The following ARNT variants were observed in gnomAD, a reference collection of about 807,000 sequenced individuals.
The protein encoded by ARNT is aryl hydrocarbon receptor nuclear translocator.
ARNT carries 30 observed loss-of-function variants against 105.0 expected under a neutral mutation model. That is an observed-to-expected ratio of 0.29 (90% CI 0.21 to 0.39). ARNT has a LOEUF of 0.39. Among genes scored for constraint, ARNT ranks in the 10% least tolerant of loss-of-function variants. The pLI is 1.00. For missense variants in ARNT, 748 were observed against 978.7 expected (o/e 0.76, Z 3.15); for synonymous variants, 304 against 344.0 (o/e 0.88, Z 1.29).
intron 6 of ARNT, among the ~76,000 whole-genome samples, chr1:150,838,385 C>T (rs1238072855): frequency 6.6e-6 from 1 of 152,158 alleles, no homozygotes; most frequent in Admixed American, 6.5e-5. Flanking sequence ...CACCAGAAAA[C>T]CATTTGTCTC....
intron 1 of ARNT, among the ~76,000 whole-genome samples, chr1:150,875,216 C>T (rs951188009): frequency 2.6e-5 from 4 of 152,040 alleles, no homozygotes; most frequent in Admixed American, 2.0e-4. Context: ...CTCAGCACTT[C>T]CTGCAATGTA....
intron 6 of ARNT, among the ~76,000 whole-genome samples, chr1:150,837,003 T>C (rs587700152): frequency 3.3e-4 from 50 of 151,924 alleles, no homozygotes; most frequent in South Asian, 1.0e-3. Flanking sequence ...GAAGCAGAGG[T>C]TGCAGTGAGC....
chr1:150,823,356 T>C lies in ARNT; in HGVS notation c.1243-11A>G. ...TTTTAATTTCACTACCTGAAAAAGT[T>C]TTCATGCCATCAGTGGAACTCATAG... On this transcript the variant is annotated splice_polypyrimidine_tract_variant and intron_variant, in intron 13 of 21. Transcript: ENST00000358595. 6.3e-7 allele frequency: 1 copy of C among 1,583,594 alleles called. No homozygotes were observed. Among genetic ancestry groups the C allele is most frequent in the Non-Finnish European group, 8.6e-7 (1 of 1,162,122 alleles).
At chr1:150,857,252 T>C (rs1664794875) in intron 2 of ARNT, among the ~76,000 whole-genome samples, 1 of 152,226 alleles carries the variant, frequency 6.6e-6, no homozygotes, top group South Asian at 2.1e-4. Flanking sequence ...ATTTTAAATA[T>C]ACTATGACTT....
chr1:150,817,008 T>C, intron 17 of ARNT, 74 bp downstream of exon 17: 2 of 1,605,902 alleles, frequency 1.2e-6, no homozygotes, highest in Non-Finnish European at 1.7e-6. Flanking sequence ...GGAAGATTAC[T>C]GACTGGGCAG....
At chr1:150,817,896 G>C (rs771279928) in intron 15 of ARNT, 24 bp downstream of exon 15, 1 of 1,569,304 alleles carries the variant, frequency 6.4e-7, no homozygotes, top group East Asian at 2.2e-5. Flanking sequence ...CTGCTCAACA[G>C]ATGATTATTT....
intron 1 of ARNT, among the ~76,000 whole-genome samples, chr1:150,876,318 C>CG (rs1456686850): frequency 6.6e-6 from 1 of 152,188 alleles, no homozygotes; most frequent in East Asian, 1.9e-4. Flanking sequence ...GGGAGCCCCC[C>CG]TCAACTCCCA....
intron 1 of ARNT, among the ~76,000 whole-genome samples, chr1:150,865,518 AAGG>A (rs951983319): frequency 6.4e-4 from 97 of 152,318 alleles, no homozygotes; most frequent in African/African-American, 2.3e-3. Flanking sequence ...AAGTGAAAAT[AAGG>A]AGAATTAGTT....
intron 13 of ARNT, among the ~76,000 whole-genome samples, chr1:150,825,614 G>T (rs1283750627): frequency 6.6e-6 from 1 of 152,110 alleles, no homozygotes; most frequent in Non-Finnish European, 1.5e-5. Flanking sequence ...ACCTTGGGAG[G>T]CTGAGGTGGG....
chr1:150,834,756 T>G (rs1324794584), intron 7 of ARNT, 116 bp from the exon 8 acceptor site: 1 of 857,518 alleles, frequency 1.2e-6, no homozygotes, highest in Non-Finnish European at 1.9e-6. Flanking sequence ...ATCTCCTTGC[T>G]TATAACAGAA....
Position 150,829,768 on chromosome 1 carries a change from C to T in ARNT, c.1032+136G>A. On this transcript the variant is annotated intron_variant, in intron 11 of 21. Coordinates refer to ENST00000358595, the MANE Select transcript of ARNT (RefSeq NM_001668.4). ...AGAATAGCAATGGTCACTATAAATG[C>T]CATATTCCTTCAAATTTTGAGAGTT... 1.5e-5 allele frequency: 14 copies of T among 918,582 alleles called. No homozygotes were observed. The South Asian group carries it at 1.7e-4, about 11-fold the overall frequency. The allele number at this position is 918,582 out of a possible 1,614,324, so 56.9% of individuals were successfully genotyped here.
chr1:150,844,496 C>T (rs764396740), intron 4 of ARNT, among the ~76,000 whole-genome samples: 18 of 152,194 alleles, frequency 1.2e-4, no homozygotes, highest in South Asian at 2.1e-4. Context: ...TCTAATCTCT[C>T]TACATCAACG....
chr1:150,824,590 G>C (rs1657810982), intron 13 of ARNT, among the ~76,000 whole-genome samples: 1 of 151,416 alleles, frequency 6.6e-6, no homozygotes, highest in Non-Finnish European at 1.5e-5. Flanking sequence ...AGTAGCTGGG[G>C]ACTAGAGGCG....
chr1:150,855,948 G>A (rs2102254773), intron 2 of ARNT, among the ~76,000 whole-genome samples: 1 of 151,926 alleles, frequency 6.6e-6, no homozygotes, highest in East Asian at 1.9e-4. Flanking sequence ...TATATAAGGT[G>A]CCAAAATGTG....
rs763091380 is a variant in ARNT at position 150,816,785 on chromosome 1, C to A, written c.1802+3G>T. Reference sequence around the variant, plus strand: ...TAAAGCAGCACATATATACGGGGCTCACCTGAAATTCTCTGCCGGCCGGGG... The same window carrying A: ...TAAAGCAGCACATATATACGGGGCTAACCTGAAATTCTCTGCCGGCCGGGG... On this transcript the variant is annotated splice_donor_region_variant and intron_variant, in intron 18 of 21. Coordinates refer to ENST00000358595, the MANE Select transcript of ARNT (RefSeq NM_001668.4). 6.3e-7 allele frequency: 1 copy of A among 1,577,148 alleles called. No homozygotes were observed. Among genetic ancestry groups the A allele is most frequent in the Non-Finnish European group, 8.5e-7 (1 of 1,169,984 alleles).
At chr1:150,819,886 C>A (rs587699922) in intron 14 of ARNT, among the ~76,000 whole-genome samples, 3 of 152,218 alleles carry the variant, frequency 2.0e-5, no homozygotes, top group Non-Finnish European at 4.4e-5. Context: ...CTAAAAAACA[C>A]TGTATACTTT....
chr1:150,814,193 C>A lies in ARNT; in HGVS notation c.1997G>T (p.Gly666Val). 6.2e-7 allele frequency: 1 copy of A among 1,614,110 alleles called. No homozygotes were observed. The highest frequency in any genetic ancestry group is 8.5e-7 in the Non-Finnish European group (1 of 1,180,024). The change falls in exon 20 of 22, where the codon GGT becomes GTT. Residue 666 changes from glycine (G) to valine (V), a missense_variant. By Grantham distance (109) the Gly-to-Val change is moderately radical. Coordinates refer to ENST00000358595, the MANE Select transcript of ARNT (RefSeq NM_001668.4). ...ATAKTRTSQF[G>V]VGSFQTPSSF... The stretch of plus-strand genomic sequence containing the variant: ...GGATGGAGTCTGAAAGCTGCCCACA[C>A]CAAACTGGGAAGTACGAGTCTTAGC...
chr1:150,875,385 T>C (rs1222448444), intron 1 of ARNT, among the ~76,000 whole-genome samples: 1 of 152,192 alleles, frequency 6.6e-6, no homozygotes, highest in Non-Finnish European at 1.5e-5. Context: ...AATCTGGATA[T>C]TGCAAAATCA....
At chr1:150,844,612 T>G (rs893453428) in intron 4 of ARNT, among the ~76,000 whole-genome samples, 1 of 152,194 alleles carries the variant, frequency 6.6e-6, no homozygotes, top group African/African-American at 2.4e-5. Context: ...TTATTCATCT[T>G]TCTGAGGTAG....
Sources: gnomAD v4.1 joint callset for allele counts (sites outside exome capture counted in the v4.1 genomes callset) on GRCh38, gnomAD v4.1.1 for gene constraint, MANE v1.5 for transcripts, NCBI Gene and HGNC (gene_info 2026-07-23, HGNC 2026-07-21) for gene names.